Variants in GPHN observed in about 807,000 individuals in gnomAD.
GPHN encodes gephyrin.
In GPHN, 17 loss-of-function variants were observed where a neutral mutation model predicts 95.5. The ratio of observed to expected loss-of-function variants is 0.18; its 90% CI spans 0.12 to 0.27. The LOEUF (loss-of-function observed/expected upper bound fraction) is 0.27, where lower values mean the gene tolerates loss of function less well. Among genes scored for constraint, GPHN ranks in the 10% least tolerant of loss-of-function variants. The pLI, the probability that GPHN is intolerant of heterozygous loss-of-function variation, is 1.00. For missense variants in GPHN, 660 were observed against 978.1 expected (o/e 0.67, Z 4.34); for synonymous variants, 320 against 322.5 (o/e 0.99, Z 0.08).
At chr14:66,613,999 C>T (rs898577932) in intron 1 of GPHN, among the ~76,000 whole-genome samples, 3 of 151,998 alleles carry the variant, frequency 2.0e-5, no homozygotes, top group African/African-American at 4.8e-5. Flanking sequence ...TTATCTCTCC[C>T]GGCTGGAAAT....
intron 8 of GPHN, among the ~76,000 whole-genome samples, chr14:66,948,620 C>CT (rs146750166): frequency 6.6e-6 from 1 of 151,948 alleles, no homozygotes; most frequent in East Asian, 1.9e-4. Flanking sequence ...ACTGATAAAA[C>CT]TTTTTTTTAG....
At chr14:66,616,825 A>G (rs915353898) in intron 1 of GPHN, among the ~76,000 whole-genome samples, 2 of 152,042 alleles carry the variant, frequency 1.3e-5, no homozygotes, top group African/African-American at 4.8e-5. Context: ...CTTCTGCCGC[A>G]GTCTCCCAAG....
At chr14:67,197,329 G>A in the GPHN span, 1 of 152,218 alleles carries the variant, frequency 6.6e-6, no homozygotes, top group Non-Finnish European at 1.5e-5. Context: ...TCATCTCCTA[G>A]AGAGGACTGT....
the GPHN span, among the ~76,000 whole-genome samples, chr14:67,367,112 G>C: frequency 6.6e-6 from 1 of 152,176 alleles, no homozygotes; most frequent in South Asian, 2.1e-4. Context: ...GAAACACAGG[G>C]TGGACTCCAG....
chr14:66,915,186 G>C (rs533831753), intron 5 of GPHN, among the ~76,000 whole-genome samples: 20 of 152,246 alleles, frequency 1.3e-4, no homozygotes, highest in African/African-American at 4.8e-4. Flanking sequence ...GAAAAACTCA[G>C]TCAAGACATT....
the GPHN span, among the ~76,000 whole-genome samples, chr14:67,557,809 C>T: frequency 5.9e-5 from 9 of 152,324 alleles, no homozygotes; most frequent in East Asian, 1.9e-4. Context: ...GTGTCAGGCA[C>T]GTGGTCAGTA....
intron 1 of GPHN, among the ~76,000 whole-genome samples, chr14:66,673,243 C>T (rs902669057): frequency 9.2e-5 from 14 of 152,136 alleles, no homozygotes; most frequent in African/African-American, 3.1e-4. Flanking sequence ...CCAGTGCGTG[C>T]CACCACGCCC....
the GPHN span, chr14:67,574,362 C>T: frequency 1.0e-5 from 16 of 1,592,300 alleles, no homozygotes; most frequent in South Asian, 4.6e-5. The surrounding 1 kb of genome is among the most constrained non-coding windows in gnomAD (Gnocchi z 4.2). Flanking sequence ...AGCTCTGCTT[C>T]GGGGTGGCAC....
chr14:67,607,738 T>C, the GPHN span, among the ~76,000 whole-genome samples: 2 of 152,174 alleles, frequency 1.3e-5, no homozygotes, highest in African/African-American at 4.8e-5. Flanking sequence ...CTTGGGAGGA[T>C]ATCTTTCCCT....
At chr14:66,666,616 C>T (rs2145717) in intron 1 of GPHN, among the ~76,000 whole-genome samples, 49,869 of 151,920 alleles carry the variant, frequency 0.33, 12,015 homozygotes, top group African/African-American at 0.66. Flanking sequence ...AAACTAGATA[C>T]TGAAGAAATG....
the GPHN span, chr14:67,722,341 G>A: frequency 4.0e-6 from 2 of 501,266 alleles, no homozygotes; most frequent in Non-Finnish European, 7.3e-6. Context: ...GGTTTAGGGG[G>A]TACTTGCTTT....
intron 1 of GPHN, among the ~76,000 whole-genome samples, chr14:66,561,083 G>C (rs1157111599): frequency 1.3e-5 from 2 of 152,126 alleles, no homozygotes; most frequent in Non-Finnish European, 2.9e-5. Flanking sequence ...TGCATCCCAG[G>C]GATGAAGCCC....
chr14:67,071,492 G>A (rs1440449624), intron 11 of GPHN, among the ~76,000 whole-genome samples: 3 of 152,070 alleles, frequency 2.0e-5, no homozygotes, highest in Non-Finnish European at 2.9e-5. Flanking sequence ...ATGGGATGGG[G>A]GGAGTGGGGA....
At chr14:66,541,014 C>A (rs1421296822) in intron 1 of GPHN, among the ~76,000 whole-genome samples, 3 of 152,030 alleles carry the variant, frequency 2.0e-5, no homozygotes, top group Admixed American at 6.6e-5. Context: ...GTGGCACGAT[C>A]TTGGCTCACT....
At chr14:67,109,629 A>G (rs1479390015) in intron 13 of GPHN, among the ~76,000 whole-genome samples, 1 of 152,216 alleles carries the variant, frequency 6.6e-6, no homozygotes, top group African/African-American at 2.4e-5. Flanking sequence ...GTGTTTTAGA[A>G]TATTTTCAAA....
In GPHN at chr14:66,946,996, ATAAAG is replaced by A. The variant is rs3036826; in HGVS notation, c.829-18190_829-18186del. On this transcript the variant is annotated intron_variant, in intron 8 of 22. Coordinates refer to ENST00000478722, the MANE Select transcript of GPHN (RefSeq NM_020806.5). Reference sequence around the variant, plus strand: ...CCATAGCCAGAGTCGACTTTTTAAAATAAAGTAAATAATGTCACTTCTCTACTTGA... The same window carrying A: ...CCATAGCCAGAGTCGACTTTTTAAAATAAATAATGTCACTTCTCTACTTGA... Among the ~76,000 whole-genome samples, 454 of 152,326 alleles carry A rather than the reference ATAAAG, an allele frequency of 3.0e-3. 3 individuals carry two copies. The highest frequency in any genetic ancestry group is 0.01 in the African/African-American group (436 of 41,568).
the GPHN span, among the ~76,000 whole-genome samples, chr14:67,345,325 G>A: frequency 6.6e-6 from 1 of 152,128 alleles, no homozygotes; most frequent in East Asian, 1.9e-4. Flanking sequence ...GGGAGGCCGA[G>A]GCGGGTGGAT....
At chr14:66,953,233 C>CT (rs2068239680) in intron 8 of GPHN, among the ~76,000 whole-genome samples, 1 of 146,262 alleles carries the variant, frequency 6.8e-6, no homozygotes, top group Admixed American at 7.0e-5. Flanking sequence ...ATGCTGGACT[C>CT]TATCAGAGAT....
chr14:67,425,124 G>T, the GPHN span, among the ~76,000 whole-genome samples: 1 of 152,056 alleles, frequency 6.6e-6, no homozygotes. Flanking sequence ...TCACTCTGTT[G>T]CCCAGGCTGG....
Sources: gnomAD v4.1 joint callset for allele counts (sites outside exome capture counted in the v4.1 genomes callset) on GRCh38, gnomAD v4.1.1 for gene constraint, Gnocchi (gnomAD v3.1) non-coding constraint, MANE v1.5 for transcripts, NCBI Gene and HGNC (gene_info 2026-07-23, HGNC 2026-07-21) for gene names.